The following TOMM34 variants were observed in gnomAD, a reference collection of about 807,000 sequenced individuals.
TOMM34 encodes translocase of outer mitochondrial membrane 34.
A neutral mutation model predicts 37.4 loss-of-function variants in TOMM34; 24 were observed. The observed-to-expected ratio is 0.64, with a 90% CI of 0.46 to 0.90. TOMM34 has a LOEUF of 0.90. Among genes scored for constraint, TOMM34 ranks in the 40% least tolerant of loss-of-function variants. The probability of loss-of-function intolerance (pLI) is 0.00; values close to 1 mark genes in which losing one functional copy is unlikely to be tolerated. For synonymous variants in TOMM34, 154 were observed against 148.9 expected (o/e 1.03, Z -0.25); for missense variants, 304 against 375.6 (o/e 0.81, Z 1.58).
At chr20:44,944,474 C>T (rs1482501958) in intron 5 of TOMM34, among the ~76,000 whole-genome samples, 2 of 152,180 alleles carry the variant, frequency 1.3e-5, no homozygotes, top group African/African-American at 4.8e-5. Flanking sequence ...AGGTATTTTT[C>T]ATTGTTTCCA....
At chr20:44,947,310 C>A (rs2145596114) in intron 5 of TOMM34, among the ~76,000 whole-genome samples, 1 of 152,324 alleles carries the variant, frequency 6.6e-6, no homozygotes. Context: ...AGTTCTCTTT[C>A]CAACTCATTG....
intron 3 of TOMM34, among the ~76,000 whole-genome samples, chr20:44,954,228 G>A (rs2067050817): frequency 6.6e-6 from 1 of 152,152 alleles, no homozygotes; most frequent in Admixed American, 6.5e-5. Flanking sequence ...CTACCATGGC[G>A]CTTATCATGT....
Position 44,960,326 on chromosome 20 carries a change from G to A in TOMM34, c.8C>T (p.Pro3Leu), listed in dbSNP as rs1397413190. Residue 3 changes from proline to leucine, a missense_variant, in exon 1 of 7, where the codon CCC becomes CTC. Pro to Leu is a moderately conservative substitution (Grantham distance 98). Coordinates refer to ENST00000372813, the MANE Select transcript of TOMM34 (RefSeq NM_006809.5). ...CTCCTCCACAGAGTCTGGGAATTTG[G>A]GGGCCATCCCGTGGCCAGGCCGGCG... MA[P>L]KFPDSVEELR... The A allele has an allele frequency of 3.2e-6, 5 of 1,574,356 alleles. No homozygotes were observed. The African/African-American group carries it at 6.9e-5, about 22-fold the overall frequency.
At chr20:44,960,152 G>A (rs1045981278) in intron 1 of TOMM34, 55 bp downstream of exon 1, 2 of 1,517,222 alleles carry the variant, frequency 1.3e-6, no homozygotes, top group Admixed American at 2.1e-5. Flanking sequence ...CCCGGGCGGT[G>A]GTTGCGGGAG....
At chr20:44,943,310 G>A in intron 6 of TOMM34, 97 bp from the exon 7 acceptor site, 1 of 1,596,880 alleles carries the variant, frequency 6.3e-7, no homozygotes, top group Non-Finnish European at 8.6e-7. Context: ...CCAGCCCACA[G>A]GCCTGCTCTG....
chr20:44,952,616 C>T (rs1346938432), intron 3 of TOMM34: 1 of 717,494 alleles, frequency 1.4e-6, no homozygotes, highest in Non-Finnish European at 2.6e-6. Flanking sequence ...ACCTTCCAGG[C>T]CCGGCTAACT....
intron 1 of TOMM34, chr20:44,958,433 A>G (rs1238065215): frequency 2.1e-6 from 1 of 470,408 alleles, no homozygotes; most frequent in Non-Finnish European, 4.4e-6. Flanking sequence ...TCACCAGAGT[A>G]CGGTTGCTCA....
intron 5 of TOMM34, among the ~76,000 whole-genome samples, chr20:44,945,160 A>G (rs1367897428): frequency 6.6e-6 from 1 of 152,192 alleles, no homozygotes; most frequent in Admixed American, 6.5e-5. Flanking sequence ...TTTGCCCCAG[A>G]CTTTATTATA....
chr20:44,959,564 C>T (rs1335803092), intron 1 of TOMM34, among the ~76,000 whole-genome samples: 1 of 152,156 alleles, frequency 6.6e-6, no homozygotes, highest in Non-Finnish European at 1.5e-5. Context: ...CTATTCCCTG[C>T]CCTGGCTCAC....
intron 2 of TOMM34, chr20:44,955,551 A>G (rs2067064762): frequency 2.1e-6 from 1 of 476,750 alleles, no homozygotes; most frequent in Admixed American, 2.3e-5. Context: ...TAGTGGGAAT[A>G]ACAAACAAGC....
Sources: gnomAD v4.1 joint callset for allele counts (sites outside exome capture counted in the v4.1 genomes callset) on GRCh38, gnomAD v4.1.1 for gene constraint, MANE v1.5 for transcripts, NCBI Gene and HGNC (gene_info 2026-07-23, HGNC 2026-07-21) for gene names.